The following CCT8 variants were observed in gnomAD, a reference collection of about 807,000 sequenced individuals.
CCT8 encodes chaperonin containing TCP1 subunit 8.
CCT8 carries 10 observed loss-of-function variants against 65.7 expected under a neutral mutation model. The ratio of observed to expected loss-of-function variants is 0.15; its 90% CI spans 0.09 to 0.26. The LOEUF (loss-of-function observed/expected upper bound fraction) is 0.26. CCT8 is among the 10% of genes least tolerant of loss of function. The probability of loss-of-function intolerance (pLI) is 1.00; values close to 1 mark genes in which losing one functional copy is unlikely to be tolerated. For synonymous variants in CCT8, 199 were observed against 221.8 expected (o/e 0.90, Z 0.92); for missense variants, 568 against 669.1 (o/e 0.85, Z 1.67).
chr21:29,066,644 T>C, intron 6 of CCT8, 72 bp downstream of exon 6: 1 of 920,658 alleles, frequency 1.1e-6, no homozygotes, highest in Non-Finnish European at 1.6e-6. Context: ...TTTTTTTTTT[T>C]GCACAAAAAA....
chr21:29,067,536 A>C lies in CCT8; in HGVS notation c.381+20T>G. 1.4e-6 allele frequency: 2 copies of C among 1,434,428 alleles called. No homozygotes were observed. Among genetic ancestry groups the C allele is most frequent in the Non-Finnish European group, 1.8e-6 (2 of 1,096,754 alleles). The allele number at this position is 1,434,428 out of a possible 1,614,324, so 88.9% of individuals were successfully genotyped here. On this transcript the variant is annotated intron_variant, in intron 4 of 14. Coordinates refer to ENST00000286788, the MANE Select transcript of CCT8 (RefSeq NM_006585.4). ...TGTAAGCAAAAATTTAGTAGGAGTA[A>C]ATTATAAATGAACACTTGCCTCTGA...
At chr21:29,063,307 A>T (rs1455427555) in intron 8 of CCT8, 45 bp downstream of exon 8, 1 of 1,515,462 alleles carries the variant, frequency 6.6e-7, no homozygotes, top group African/African-American at 1.4e-5. Context: ...ACCACCAAAA[A>T]ACCATTTATG....
intron 14 of CCT8, among the ~76,000 whole-genome samples, chr21:29,057,809 T>A (rs2085520413): frequency 6.7e-6 from 1 of 149,662 alleles, no homozygotes; most frequent in Non-Finnish European, 1.5e-5. Context: ...TACATATGTA[T>A]GATATATACA....
chr21:29,058,495 C>T (rs1224668038), intron 14 of CCT8, among the ~76,000 whole-genome samples: 2 of 152,014 alleles, frequency 1.3e-5, no homozygotes, highest in Non-Finnish European at 2.9e-5. Context: ...TTAGTGGGCA[C>T]CATAATCAAA....
intron 14 of CCT8, chr21:29,059,632 C>T (rs909860352): frequency 6.6e-6 from 1 of 152,216 alleles, no homozygotes; most frequent in Non-Finnish European, 1.5e-5. Context: ...CAAACATATT[C>T]TTCCATTGAA....
Position 29,062,385 on chromosome 21 carries a change from A to G in CCT8, c.1039T>C (p.Cys347Arg). ...TPPVLEEMGH[C>R]DSVYLSEVGD... ...ACTTCTGAGAGGTAAACACTGTCAC[A>G]GTGTCCCATTTCTTCAAGGACAGGA... Residue 347 changes from cysteine (C) to arginine (R), a missense_variant, in exon 10 of 15, where the codon TGT becomes CGT. By Grantham distance (180) the Cys-to-Arg change is radical (BLOSUM62 -3). Coordinates refer to ENST00000286788, the MANE Select transcript of CCT8 (RefSeq NM_006585.4). The G allele has an allele frequency of 6.2e-7, 1 of 1,614,010 alleles. No homozygotes were observed. The highest frequency in any genetic ancestry group is 1.1e-5 in the South Asian group (1 of 91,080).
rs59286710 is a variant in CCT8 at position 29,057,764 on chromosome 21, GATAT to G, written c.1570-1216_1570-1213del. Among the ~76,000 whole-genome samples the G allele has an allele frequency of 1.1e-4, 11 of 99,656 alleles. 1 individual carries two copies. The highest frequency in any genetic ancestry group is 7.5e-4 in the South Asian group (3 of 4,006). 65.4% of individuals were successfully genotyped at this position (99,656 alleles called of 152,430 possible). A position where few individuals can be genotyped will look rare whatever the true frequency, so the allele number is the denominator to read the frequency against. ...TATATCATGTATATGTATGATATGAGATATATATGATATATATGAGATATGTATG... is the reference window on the plus strand; with the variant it reads ...TATATCATGTATATGTATGATATGAGATATGATATATATGAGATATGTATG... On this transcript the variant is annotated intron_variant, in intron 14 of 14. Transcript: ENST00000286788.
At chr21:29,072,753 A>G (rs897367604) in intron 1 of CCT8, among the ~76,000 whole-genome samples, 2 of 152,220 alleles carry the variant, frequency 1.3e-5, no homozygotes, top group Non-Finnish European at 2.9e-5. Flanking sequence ...CAAGAGACAA[A>G]TTTATCAATA....
At chr21:29,066,450 G>C (rs948423134) in intron 6 of CCT8, among the ~76,000 whole-genome samples, 3 of 151,642 alleles carry the variant, frequency 2.0e-5, no homozygotes, top group African/African-American at 4.8e-5. Flanking sequence ...TGGGACTGGA[G>C]AATCACTTGA....
In CCT8 at chr21:29,060,580, G is replaced by GC; in HGVS notation, c.1529_1530insG (p.Ala511ArgfsTer3). 6.2e-7 allele frequency: 1 copy of GC among 1,613,742 alleles called. No homozygotes were observed. Among genetic ancestry groups the GC allele is most frequent in the South Asian group, 1.1e-5 (1 of 91,064 alleles). Reference sequence around the variant, plus strand: ...GTACAGTGACTGCAGCATTAGTAGCGAGTTTGATAGCCCAATATTTTCCCA... The same window carrying GC: ...GTACAGTGACTGCAGCATTAGTAGCGCAGTTTGATAGCCCAATATTTTCCCA... On this transcript the variant is annotated frameshift_variant, in exon 14 of 15. Coordinates refer to ENST00000286788, the MANE Select transcript of CCT8 (RefSeq NM_006585.4). LOFTEE classifies it high-confidence loss of function.
Position 29,073,578 on chromosome 21 carries a change from C to A in CCT8, c.13G>T (p.Val5Phe). The A allele has an allele frequency of 6.2e-7, 1 of 1,614,136 alleles. No individual in the cohort carries two copies. The highest frequency in any genetic ancestry group is 8.5e-7 in the Non-Finnish European group (1 of 1,180,024). Residue 5 changes from valine to phenylalanine, a missense_variant, in exon 1 of 15, where the codon GTT becomes TTT. Val to Phe is a conservative substitution (Grantham distance 50). Coordinates refer to ENST00000286788, the MANE Select transcript of CCT8 (RefSeq NM_006585.4). The part of the protein sequence containing the change: MALH[V>F]PKAPGFAQML... ...TGGGCAAAGCCCGGAGCCTTGGGAA[C>A]GTGAAGCGCCATGGCCAGCCTGCAG...
chr21:29,063,500 A>G lies in CCT8; in HGVS notation c.793T>C (p.Leu265=), dbSNP rs142165839. ...TCTTCTCCCTTACTAAAATTCATCA[A>G]TTCTTCAGCAGTCTTTATCAACACT... ...GTVLIKTAEE[L]MNFSKGEENL... Residue 265 remains leucine (L), a synonymous_variant, in exon 8 of 15, where the codon TTG becomes CTG. Transcript: ENST00000286788. The G allele has an allele frequency of 1.9e-6, 3 of 1,613,936 alleles. No individual in the cohort carries two copies. The highest frequency in any genetic ancestry group is 2.2e-5 in the East Asian group (1 of 44,874).
intron 6 of CCT8, 55 bp from the exon 7 acceptor site, chr21:29,065,160 C>G: frequency 6.4e-7 from 1 of 1,569,812 alleles, no homozygotes; most frequent in Non-Finnish European, 8.7e-7. Flanking sequence ...ACATTACGGT[C>G]AAACTGTTGA....
chr21:29,064,881 A>C, intron 7 of CCT8, 87 bp downstream of exon 7: 3 of 1,156,034 alleles, frequency 2.6e-6, no homozygotes, highest in Non-Finnish European at 3.7e-6. Context: ...TCAGTTTTTT[A>C]AGAAGTACTT....
Position 29,061,294 on chromosome 21 carries a change from C to T in CCT8, c.1408G>A (p.Val470Ile). 6.2e-7 allele frequency: 1 copy of T among 1,613,850 alleles called. No individual in the cohort carries two copies. Among genetic ancestry groups the T allele is most frequent in the Admixed American group, 1.7e-5 (1 of 60,012 alleles). Residue 470 changes from valine (V) to isoleucine (I), a missense_variant, in exon 13 of 15, where the codon GTA becomes ATA. Transcript: ENST00000286788. ...ACGTTTTTATTTCCTTCTTGATGTA[C>T]TGCATAAAGTTTAGAGATTACTTCA... is the stretch of plus-strand genomic sequence containing the variant. ...ANEVISKLYAVHQEGNKNVGL... is the reference protein window; with the variant it reads ...ANEVISKLYAIHQEGNKNVGL...
At chr21:29,064,409 T>TAAAAAAAAAAACAA (rs2085597313) in intron 7 of CCT8, among the ~76,000 whole-genome samples, 1 of 26,714 alleles carries the variant, frequency 3.7e-5, no homozygotes, top group African/African-American at 1.7e-4. Context: ...AGCAAGACTC[T>TAAAAAAAAAAACAA]AAAAAAAAAA....
rs186282453 is a variant in CCT8, at chr21:29,067,112, A to G, written c.382-41T>C. The G allele has an allele frequency of 3.9e-4, 579 of 1,488,032 alleles. 1 individual carries two copies. The highest frequency in any genetic ancestry group is 4.6e-4 in the Non-Finnish European group (508 of 1,095,354). 92.2% of individuals were successfully genotyped at this position (1,488,032 alleles called of 1,614,324 possible). The stretch of plus-strand genomic sequence containing the variant: ...CATTTCCTATTCTGACATGACTTAA[A>G]GTAGCTTATTTTGGTAACCCAATGC... On this transcript the variant is annotated intron_variant, in intron 4 of 14. Transcript: ENST00000286788.
intron 1 of CCT8, 57 bp from the exon 2 acceptor site, chr21:29,070,394 AT>A: frequency 9.6e-7 from 1 of 1,044,874 alleles, no homozygotes; most frequent in Non-Finnish European, 1.4e-6. Flanking sequence ...TGAAACAAAA[AT>A]TTCAAATACA....
At chr21:29,057,747 G>A (rs963997603) in intron 14 of CCT8, among the ~76,000 whole-genome samples, 164 of 88,166 alleles carry the variant, frequency 1.9e-3, no homozygotes, top group Non-Finnish European at 4.3e-3. Context: ...TATATATCAT[G>A]TATATGTATG....
Sources: gnomAD v4.1 joint callset for allele counts (sites outside exome capture counted in the v4.1 genomes callset) on GRCh38, gnomAD v4.1.1 for gene constraint, MANE v1.5 for transcripts, NCBI Gene and HGNC (gene_info 2026-07-23, HGNC 2026-07-21) for gene names.